The following ABLIM1 variants were observed in gnomAD, a reference collection of about 807,000 sequenced individuals.
ABLIM1 encodes the protein actin binding LIM protein 1.
In ABLIM1, 40 loss-of-function variants were observed where a neutral mutation model predicts 107.0. That is an observed-to-expected ratio of 0.37 (90% CI 0.29 to 0.49). The LOEUF (loss-of-function observed/expected upper bound fraction) is 0.49, where lower values mean the gene tolerates loss of function less well. Ranked by LOEUF, ABLIM1 falls within the 20% of genes least tolerant of loss-of-function variation. ABLIM1 has a pLI of 0.97. For missense variants in ABLIM1, 857 were observed against 1,008.5 expected (o/e 0.85, Z 2.04); for synonymous variants, 357 against 357.3 (o/e 1.00, Z 0.01).
chr10:114,562,920 G>T (rs748515421), intron 4 of ABLIM1, among the ~76,000 whole-genome samples: 1 of 152,134 alleles, frequency 6.6e-6, no homozygotes, highest in Non-Finnish European at 1.5e-5. Context: ...GTCAGAGAGA[G>T]AAATATACCA....
chr10:114,714,035 G>A (rs931792149), intron 1 of ABLIM1, among the ~76,000 whole-genome samples: 2 of 152,172 alleles, frequency 1.3e-5, no homozygotes, highest in African/African-American at 4.8e-5. Flanking sequence ...AATACCTAGA[G>A]AGAAACAGCC....
intron 1 of ABLIM1, among the ~76,000 whole-genome samples, chr10:114,627,792 G>C (rs1056811413): frequency 6.6e-6 from 1 of 152,182 alleles, no homozygotes; most frequent in Non-Finnish European, 1.5e-5. Context: ...GCATCAAGGA[G>C]GAGCTGTGGT....
chr10:114,751,550 G>A (rs1340895690), intron 1 of ABLIM1, among the ~76,000 whole-genome samples: 1 of 151,908 alleles, frequency 6.6e-6, no homozygotes, highest in Non-Finnish European at 1.5e-5. Flanking sequence ...AAGAGATTGA[G>A]ACCATCCTGG....
chr10:114,696,209 G>A (rs1305717927), intron 1 of ABLIM1, among the ~76,000 whole-genome samples: 1 of 152,220 alleles, frequency 6.6e-6, no homozygotes, highest in Non-Finnish European at 1.5e-5. Context: ...CCTGGAGAGG[G>A]CAGCAGGGAA....
chr10:114,694,332 G>A (rs1450825893), intron 1 of ABLIM1, among the ~76,000 whole-genome samples: 1 of 152,162 alleles, frequency 6.6e-6, no homozygotes, highest in East Asian at 1.9e-4. Context: ...TTGCATTCTG[G>A]ATGAATGCCA....
intron 22 of ABLIM1, 87 bp downstream of exon 22, chr10:114,437,757 C>A: frequency 8.7e-7 from 1 of 1,150,928 alleles, no homozygotes; most frequent in Admixed American, 2.1e-5. Context: ...TTTGTTTTCA[C>A]TGAAGAAATA....
At chr10:114,732,187 T>C (rs1304648274) in intron 1 of ABLIM1, among the ~76,000 whole-genome samples, 2 of 125,648 alleles carry the variant, frequency 1.6e-5, no homozygotes, top group African/African-American at 3.5e-5. Flanking sequence ...TTTCTTTTTT[T>C]TTTTTTTTTT....
intron 4 of ABLIM1, among the ~76,000 whole-genome samples, chr10:114,558,576 C>T (rs191584322): frequency 6.4e-4 from 97 of 152,094 alleles, no homozygotes; most frequent in African/African-American, 2.1e-3. Context: ...GTGAAGGATG[C>T]GGGTGCCTTC....
intron 3 of ABLIM1, 50 bp from the exon 4 acceptor site, chr10:114,571,456 C>A: frequency 6.4e-7 from 1 of 1,559,752 alleles, no homozygotes; most frequent in Non-Finnish European, 8.8e-7. Context: ...AATTTCATTC[C>A]TTTTCCTTAT....
At chr10:114,689,402 C>G (rs1439824973), upstream of ABLIM1, among the ~76,000 whole-genome samples, 14 of 136,704 alleles carry the variant, frequency 1.0e-4, no homozygotes, top group African/African-American at 3.8e-4. Context: ...TACTCTGTTG[C>G]CCAGGCTGGA....
intron 1 of ABLIM1, among the ~76,000 whole-genome samples, chr10:114,756,638 T>C (rs1268978037): frequency 2.0e-5 from 3 of 152,220 alleles, no homozygotes; most frequent in African/African-American, 4.8e-5. Context: ...TAACTTCAGA[T>C]GTTTTATTCT....
intron 1 of ABLIM1, among the ~76,000 whole-genome samples, chr10:114,742,844 G>A (rs140666165): frequency 2.0e-5 from 3 of 152,230 alleles, no homozygotes; most frequent in Admixed American, 1.3e-4. Flanking sequence ...CACGAGAATC[G>A]CTTGAACCTG....
intron 6 of ABLIM1, among the ~76,000 whole-genome samples, chr10:114,523,041 A>C (rs2063997877): frequency 6.6e-6 from 1 of 152,092 alleles, no homozygotes; most frequent in Non-Finnish European, 1.5e-5. Context: ...AATCCCAGTT[A>C]CTCGGAGGGT....
At position 114,658,043 on chromosome 10, in the gene ABLIM1, C is replaced by T; in HGVS notation, c.158G>A (p.Arg53Lys). Reference protein sequence around the residue: ...RVSGTSFTAHRRATITHLLYL... With the variant: ...RVSGTSFTAHKRATITHLLYL... ...CAGCAAATGAGTGATAGTGGCACGC[C>T]TATGAGCGGTGAAGGAGGTCCCAGA... The change falls in exon 1 of 23, where the codon AGG becomes AAG. Residue 53 changes from arginine to lysine, a missense_variant. This residue lies in a region of ABLIM1 where 176 missense variants were observed against 173.5 expected (regional missense o/e 1.01). Transcript: ENST00000533213. 6.2e-7 allele frequency: 1 copy of T among 1,614,212 alleles called. No homozygotes were observed. Among genetic ancestry groups the T allele is most frequent in the Non-Finnish European group, 8.5e-7 (1 of 1,180,036 alleles).
intron 3 of ABLIM1, among the ~76,000 whole-genome samples, chr10:114,573,537 G>T (rs933996022): frequency 6.6e-6 from 1 of 152,204 alleles, no homozygotes; most frequent in African/African-American, 2.4e-5. Context: ...AGGATCAGAA[G>T]GGCTCTTAGA....
At chr10:114,458,989 T>C (rs1287490861) in intron 12 of ABLIM1, among the ~76,000 whole-genome samples, 2 of 152,196 alleles carry the variant, frequency 1.3e-5, no homozygotes, top group African/African-American at 4.8e-5. Context: ...ACAATGGATG[T>C]TATGGAAAAT....
intron 1 of ABLIM1, among the ~76,000 whole-genome samples, chr10:114,740,596 A>G (rs922694679): frequency 6.6e-6 from 1 of 152,102 alleles, no homozygotes; most frequent in Non-Finnish European, 1.5e-5. Flanking sequence ...ATTTACAGGA[A>G]AATTAGTACT....
intron 6 of ABLIM1, among the ~76,000 whole-genome samples, chr10:114,527,551 T>C (rs2064955147): frequency 6.6e-6 from 1 of 152,190 alleles, no homozygotes; most frequent in South Asian, 2.1e-4. Flanking sequence ...GCAGGCTCTC[T>C]ATGCATGTGA....
the ABLIM1 span, among the ~76,000 whole-genome samples, chr10:114,794,721 G>T: frequency 6.6e-6 from 1 of 152,152 alleles, no homozygotes; most frequent in Non-Finnish European, 1.5e-5. Flanking sequence ...TTGACCCACA[G>T]TTAATTAGCT....
Sources: allele counts gnomAD v4.1 joint callset (sites outside exome capture counted in the v4.1 genomes callset), GRCh38; gene constraint gnomAD v4.1.1; regional missense constraint gnomAD v4.1.1; transcripts MANE v1.5; gene names NCBI Gene and HGNC (gene_info 2026-07-23, HGNC 2026-07-21).